The following SAE1 variants were observed in gnomAD, a reference collection of about 807,000 sequenced individuals.
SAE1 encodes SUMO-activating enzyme subunit 1.
SAE1 carries 11 observed loss-of-function variants against 40.6 expected under a neutral mutation model. That is an observed-to-expected ratio of 0.27 (90% CI 0.17 to 0.45). The LOEUF is 0.45. Among genes scored for constraint, SAE1 ranks in the 20% least tolerant of loss-of-function variants. The probability of loss-of-function intolerance (pLI) is 1.00; values close to 1 mark genes in which losing one functional copy is unlikely to be tolerated. For synonymous variants in SAE1, 155 were observed against 154.3 expected (o/e 1.00, Z -0.03); for missense variants, 373 against 427.3 (o/e 0.87, Z 1.12).
At chr19:47,189,270 C>G (rs892377590) in intron 6 of SAE1, among the ~76,000 whole-genome samples, 19 of 152,116 alleles carry the variant, frequency 1.2e-4, no homozygotes, top group Non-Finnish European at 2.2e-4. Context: ...AGTGAGCCAA[C>G]CTGGGGGCTG....
chr19:47,153,151 C>G (rs1271333471), intron 4 of SAE1, 111 bp downstream of exon 4: 2 of 1,001,522 alleles, frequency 2.0e-6, no homozygotes, highest in Non-Finnish European at 2.8e-6. Context: ...CTATGTTGTT[C>G]AAGCTGGTCT....
intron 6 of SAE1, among the ~76,000 whole-genome samples, chr19:47,194,403 C>T (rs978438133): frequency 1.3e-5 from 2 of 152,138 alleles, no homozygotes; most frequent in African/African-American, 4.8e-5. Context: ...TATGTAGGAA[C>T]CCTTGTCCTG....
At chr19:47,165,184 G>A (rs2058385161) in intron 5 of SAE1, among the ~76,000 whole-genome samples, 1 of 147,430 alleles carries the variant, frequency 6.8e-6, no homozygotes, top group Non-Finnish European at 1.5e-5. Context: ...CAGCCTCCTG[G>A]GTTCAAGCGA....
At chr19:47,203,226 C>T (rs1019257972) in intron 7 of SAE1, among the ~76,000 whole-genome samples, 9 of 152,112 alleles carry the variant, frequency 5.9e-5, no homozygotes, top group African/African-American at 9.7e-5. Flanking sequence ...TTTAATTTCA[C>T]GCCTCAAATT....
At chr19:47,139,605 T>TTTTTA (rs2058205218) in intron 1 of SAE1, among the ~76,000 whole-genome samples, 3 of 149,446 alleles carry the variant, frequency 2.0e-5, no homozygotes, top group Non-Finnish European at 4.5e-5. Flanking sequence ...TTTTTTTTTT[T>TTTTTA]GAGACAGAGT....
intron 7 of SAE1, among the ~76,000 whole-genome samples, chr19:47,203,138 T>G (rs2058664735): frequency 6.6e-6 from 1 of 152,082 alleles, no homozygotes; most frequent in Non-Finnish European, 1.5e-5. Context: ...CATCTAAAAT[T>G]TGTCCTCTAG....
chr19:47,132,335 A>G (rs2058150045), intron 1 of SAE1, among the ~76,000 whole-genome samples: 1 of 148,548 alleles, frequency 6.7e-6, no homozygotes, highest in Non-Finnish European at 1.5e-5. Flanking sequence ...TGTAGCCTCA[A>G]CCTCCAAGGC....
intron 5 of SAE1, among the ~76,000 whole-genome samples, chr19:47,166,367 T>TG (rs1185738754): frequency 6.6e-6 from 1 of 152,090 alleles, no homozygotes; most frequent in African/African-American, 2.4e-5. Flanking sequence ...GCCTTCCAGG[T>TG]GGTTATGAAG....
At chr19:47,194,682 C>G (rs951616282) in intron 6 of SAE1, among the ~76,000 whole-genome samples, 4 of 151,622 alleles carry the variant, frequency 2.6e-5, no homozygotes, top group East Asian at 1.9e-4. Context: ...CCTGCCCGCC[C>G]GCAGGCAGGT....
chr19:47,205,682 A>G (rs1281014362), intron 8 of SAE1, among the ~76,000 whole-genome samples: 1 of 152,206 alleles, frequency 6.6e-6, no homozygotes, highest in African/African-American at 2.4e-5. Flanking sequence ...GACACCACCA[A>G]TAATAGACAA....
intron 8 of SAE1, among the ~76,000 whole-genome samples, chr19:47,204,497 C>T (rs915175407): frequency 2.8e-4 from 35 of 125,026 alleles, no homozygotes; most frequent in African/African-American, 3.8e-4. Context: ...TGTACCCAGC[C>T]GCACCCCCCC....
At chr19:47,151,054 G>A (rs1336697811) in intron 3 of SAE1, among the ~76,000 whole-genome samples, 1 of 152,100 alleles carries the variant, frequency 6.6e-6, no homozygotes, top group Non-Finnish European at 1.5e-5. Context: ...CTTGATAAAT[G>A]TGAAATAGTC....
chr19:47,196,754 C>T (rs983712946), intron 6 of SAE1, among the ~76,000 whole-genome samples: 1 of 152,000 alleles, frequency 6.6e-6, no homozygotes, highest in South Asian at 2.1e-4. Context: ...TGAATTGTTT[C>T]CTCGGGGAAG....
Position 47,201,360 on chromosome 19 carries a change from C to CTTTTTTTTTTT in SAE1, c.879-2292_879-2282dup, listed in dbSNP as rs57568797. 2.2e-3 allele frequency among the ~76,000 whole-genome samples: 143 copies of CTTTTTTTTTTT among 66,224 alleles called. 31 individuals are homozygous for CTTTTTTTTTTT. Among genetic ancestry groups the CTTTTTTTTTTT allele is most frequent in the African/African-American group, 7.3e-3 (110 of 15,054 alleles). The allele number at this position is 66,224 out of a possible 152,430, so 43.4% of individuals were successfully genotyped here. A position where few individuals can be genotyped will look rare whatever the true frequency, so the allele number is the denominator to read the frequency against. On this transcript the variant is annotated intron_variant, in intron 7 of 8. Coordinates refer to ENST00000270225, the MANE Select transcript of SAE1 (RefSeq NM_005500.3). ...CTGCACCTGGCCTGTTATCTGGTTC[C>CTTTTTTTTTTT]TTTTTTTTTTTTTTTTTTTTTTTTT...
rs1282798271 is a variant in SAE1 at position 47,197,324 on chromosome 19, T to C, written c.825T>C (p.Asp275=). ...AGTTGTTGCTCCAGATACGAAATGA[T>C]GTGCTTGACTCACTGGGTATTAGTC... ...DSELLLQIRN[D]VLDSLGISPD... Residue 275 remains aspartate, a synonymous_variant, in exon 7 of 9, where the codon GAT becomes GAC. Transcript: ENST00000270225. The C allele has an allele frequency of 6.2e-7, 1 of 1,614,062 alleles. No individual in the cohort carries two copies. Among genetic ancestry groups the C allele is most frequent in the Non-Finnish European group, 8.5e-7 (1 of 1,180,000 alleles).
At chr19:47,146,054 CAAGAT>C (rs1432725035) in intron 2 of SAE1, among the ~76,000 whole-genome samples, 3 of 145,198 alleles carry the variant, frequency 2.1e-5, no homozygotes, top group Non-Finnish European at 4.5e-5. Flanking sequence ...GGAGGGTTGT[CAAGAT>C]AAGAGCCTGT....
chr19:47,179,158 C>G lies in SAE1; in HGVS notation c.733+9235C>G, dbSNP rs145945001. On this transcript the variant is annotated intron_variant, in intron 6 of 8. Coordinates refer to ENST00000270225, the MANE Select transcript of SAE1 (RefSeq NM_005500.3). ...AGTGAGCCGAGATCTCACCACTGCA[C>G]TCCAGCATGGGCGACAGAACAAGGC... Among the ~76,000 whole-genome samples the G allele has an allele frequency of 6.9e-3, 1,017 of 148,362 alleles. 8 individuals are homozygous for G. The highest frequency in any genetic ancestry group is 0.023 in the African/African-American group (905 of 40,026).
intron 8 of SAE1, among the ~76,000 whole-genome samples, chr19:47,207,662 C>T (rs555364945): frequency 2.0e-5 from 3 of 152,260 alleles, no homozygotes; most frequent in East Asian, 1.9e-4. Context: ...CCCTCTCTCT[C>T]GCTCTCTGTT....
In SAE1 at chr19:47,210,447, A is replaced by G. The variant is rs2058708147; in HGVS notation, c.*1196A>G. Reference sequence around the variant, plus strand: ...TTTCAGTGGCAAGAATTATAATAATAAAGGGAAGTCAAAAGTGATGCTTCA... The same window carrying G: ...TTTCAGTGGCAAGAATTATAATAATGAAGGGAAGTCAAAAGTGATGCTTCA... On this transcript the variant is annotated 3_prime_UTR_variant, in exon 9 of 9. Transcript: ENST00000270225. 1 of 152,218 alleles carries G rather than the reference A, an allele frequency of 6.6e-6. No homozygotes were observed. Among genetic ancestry groups the G allele is most frequent in the Non-Finnish European group, 1.5e-5 (1 of 68,038 alleles). The allele number at this position is 152,218 out of a possible 1,614,324, so 9.4% of individuals were successfully genotyped here.
Sources: gnomAD v4.1 joint callset for allele counts (sites outside exome capture counted in the v4.1 genomes callset) on GRCh38, gnomAD v4.1.1 for gene constraint, MANE v1.5 for transcripts, NCBI Gene and HGNC (gene_info 2026-07-23, HGNC 2026-07-21) for gene names.